Variants in ZNF644 observed in about 807,000 individuals in gnomAD.
ZNF644 encodes the protein zinc finger protein 644.
In ZNF644, 20 loss-of-function variants were observed where a neutral mutation model predicts 108.0. The observed-to-expected ratio is 0.19, with a 90% CI of 0.13 to 0.27. ZNF644 has a LOEUF of 0.27. Ranked by LOEUF, ZNF644 falls within the 10% of genes least tolerant of loss-of-function variation. The pLI is 1.00. For missense variants in ZNF644, 1,338 were observed against 1,548.9 expected (o/e 0.86, Z 2.29); for synonymous variants, 542 against 539.1 (o/e 1.01, Z -0.08).
rs147995837 is a variant in ZNF644 at position 90,962,303 on chromosome 1, A to G, written c.44+20007T>C. ...ACCATAGTGTTGGTGCTTTAGATAGACAAAAGTAGACCAATGGGGGAAAAA... is the reference window on the plus strand; with the variant it reads ...ACCATAGTGTTGGTGCTTTAGATAGGCAAAAGTAGACCAATGGGGGAAAAA... On this transcript the variant is annotated intron_variant, in intron 2 of 5. Transcript: ENST00000337393. Among the ~76,000 whole-genome samples, 278 of 152,126 alleles carry G rather than the reference A, an allele frequency of 1.8e-3. 1 individual carries two copies. The highest frequency in any genetic ancestry group is 6.3e-3 in the African/African-American group (262 of 41,528).
At chr1:90,932,333 A>T (rs919805924) in intron 4 of ZNF644, among the ~76,000 whole-genome samples, 1 of 152,164 alleles carries the variant, frequency 6.6e-6, no homozygotes, top group East Asian at 1.9e-4. Flanking sequence ...GGACCACACA[A>T]CTTAAAATCT....
rs75357688 is a variant in ZNF644 at position 90,930,913 on chromosome 1, T to C, written c.3688+6572A>G. Among the ~76,000 whole-genome samples, 8 of 152,354 alleles carry C rather than the reference T, an allele frequency of 5.3e-5. No individual in the cohort carries two copies. In the East Asian group the frequency reaches 9.6e-4, roughly 18 times the overall value. On this transcript the variant is annotated intron_variant, in intron 4 of 5. Coordinates refer to ENST00000337393, the MANE Select transcript of ZNF644 (RefSeq NM_201269.3). ...CTCTGTATTTCCCTTTCCCTACCTG[T>C]TGAAATTCACTCTTATTTTGACCTC...
intron 1 of ZNF644, among the ~76,000 whole-genome samples, chr1:91,003,649 T>G (rs926580502): frequency 6.7e-5 from 10 of 148,192 alleles, no homozygotes; most frequent in African/African-American, 2.6e-4. Flanking sequence ...ACCTGCACAT[T>G]GTGCACATGT....
intron 2 of ZNF644, among the ~76,000 whole-genome samples, chr1:90,953,149 G>A (rs563444773): frequency 6.6e-6 from 1 of 152,054 alleles, no homozygotes; most frequent in South Asian, 2.1e-4. Flanking sequence ...CAAGGTCATT[G>A]TGCAACACAA....
chr1:91,012,156 A>G (rs540441736), intron 1 of ZNF644, among the ~76,000 whole-genome samples: 75 of 152,276 alleles, frequency 4.9e-4, no homozygotes, highest in Non-Finnish European at 8.1e-4. Context: ...TTACCTCCCA[A>G]TTCATAACAA....
chr1:91,007,196 T>C (rs1026431346), intron 1 of ZNF644, among the ~76,000 whole-genome samples: 6 of 150,586 alleles, frequency 4.0e-5, no homozygotes, highest in African/African-American at 1.5e-4. Context: ...GTTCAATTAT[T>C]CTTAATTTCT....
At chr1:91,000,798 A>G (rs1658692594) in intron 1 of ZNF644, among the ~76,000 whole-genome samples, 1 of 152,194 alleles carries the variant, frequency 6.6e-6, no homozygotes, top group Non-Finnish European at 1.5e-5. Context: ...CAACACTAAT[A>G]AAGAAGAAAA....
At chr1:90,928,081 G>C (rs925422112) in intron 4 of ZNF644, among the ~76,000 whole-genome samples, 5 of 151,758 alleles carry the variant, frequency 3.3e-5, no homozygotes, top group Non-Finnish European at 7.4e-5. Context: ...CCTGACCTCA[G>C]GTGATCCGCC....
intron 4 of ZNF644, among the ~76,000 whole-genome samples, chr1:90,929,368 T>C (rs1025740869): frequency 2.6e-5 from 4 of 152,220 alleles, no homozygotes; most frequent in Non-Finnish European, 4.4e-5. Context: ...AGCAGAGACA[T>C]GTCTCATACT....
chr1:90,933,183 T>C (rs940967809), intron 4 of ZNF644, among the ~76,000 whole-genome samples: 5 of 152,200 alleles, frequency 3.3e-5, no homozygotes, highest in Non-Finnish European at 7.3e-5. Flanking sequence ...ATTTTTTTAA[T>C]GGACTAATAA....
chr1:91,008,246 A>C (rs1659629765), intron 1 of ZNF644, among the ~76,000 whole-genome samples: 1 of 152,236 alleles, frequency 6.6e-6, no homozygotes, highest in Non-Finnish European at 1.5e-5. Flanking sequence ...AACTTGGATG[A>C]GGCAAGAGAT....
At chr1:90,988,578 A>C (rs545120746) in intron 1 of ZNF644, among the ~76,000 whole-genome samples, 158 of 152,302 alleles carry the variant, frequency 1.0e-3, no homozygotes, top group African/African-American at 3.6e-3. Context: ...CATAGAGCCA[A>C]AACAAACTTG....
chr1:90,933,824 C>T (rs961779088), intron 4 of ZNF644, among the ~76,000 whole-genome samples: 83 of 152,090 alleles, frequency 5.5e-4, no homozygotes, highest in African/African-American at 2.0e-3. Flanking sequence ...GGTAAGATAG[C>T]CCTGATTTGA....
chr1:90,963,173 T>C (rs188793223), intron 2 of ZNF644, among the ~76,000 whole-genome samples: 2 of 152,164 alleles, frequency 1.3e-5, no homozygotes, highest in Admixed American at 6.5e-5. Flanking sequence ...ACCAGTAAGT[T>C]AGAAAGCTCA....
chr1:90,974,112 T>C (rs1378305870), intron 2 of ZNF644, among the ~76,000 whole-genome samples: 1 of 152,076 alleles, frequency 6.6e-6, no homozygotes, highest in East Asian at 1.9e-4. Flanking sequence ...CCACCCCAGT[T>C]TATCACCATT....
intron 4 of ZNF644, among the ~76,000 whole-genome samples, chr1:90,930,302 A>C (rs537502460): frequency 1.3e-5 from 2 of 152,140 alleles, no homozygotes; most frequent in Non-Finnish European, 2.9e-5. Context: ...CACACACACA[A>C]AATTGTTCTG....
chr1:90,984,584 G>C (rs1656898796), intron 1 of ZNF644, among the ~76,000 whole-genome samples: 1 of 152,066 alleles, frequency 6.6e-6, no homozygotes, highest in African/African-American at 2.4e-5. Flanking sequence ...GTAGAGACAG[G>C]GTTTCACCAT....
chr1:90,956,926 G>C (rs111308121), intron 2 of ZNF644, among the ~76,000 whole-genome samples: 5 of 152,088 alleles, frequency 3.3e-5, no homozygotes, highest in African/African-American at 1.2e-4. Flanking sequence ...AACAACAAAA[G>C]AGAGAAGAAC....
chr1:90,991,177 G>T (rs934735317), intron 1 of ZNF644, among the ~76,000 whole-genome samples: 12 of 152,160 alleles, frequency 7.9e-5, no homozygotes, highest in African/African-American at 2.9e-4. Context: ...CATATCAAAA[G>T]ATGCTCAGTA....
Sources: allele counts gnomAD v4.1 joint callset (sites outside exome capture counted in the v4.1 genomes callset), GRCh38; gene constraint gnomAD v4.1.1; transcripts MANE v1.5; gene names NCBI Gene and HGNC (gene_info 2026-07-23, HGNC 2026-07-21).